The following KCTD18 variants were observed in gnomAD, a reference collection of about 807,000 sequenced individuals.
The protein encoded by KCTD18 is BTB/POZ domain-containing protein KCTD18.
In KCTD18, 22 loss-of-function variants were observed where a neutral mutation model predicts 30.4. That is an observed-to-expected ratio of 0.72 (90% confidence interval 0.52 to 1.03). KCTD18 has a LOEUF of 1.03. KCTD18 is among the 50% of genes least tolerant of loss of function. The probability of loss-of-function intolerance (pLI) is 0.00; values close to 1 mark genes in which losing one functional copy is unlikely to be tolerated. For synonymous variants in KCTD18, 186 were observed against 209.0 expected (o/e 0.89, Z 0.95); for missense variants, 529 against 547.6 (o/e 0.97, Z 0.34).
chr2:200,497,694 C>T, intron 5 of KCTD18, 59 bp downstream of exon 5: 2 of 1,122,284 alleles, frequency 1.8e-6, no homozygotes, highest in Non-Finnish European at 2.7e-6. Context: ...TTTGAGCTTA[C>T]TTTGTCTTTT....
chr2:200,506,747 G>A, intron 2 of KCTD18, 110 bp downstream of exon 2: 1 of 913,308 alleles, frequency 1.1e-6, no homozygotes, highest in South Asian at 1.5e-5. Flanking sequence ...AATGATCTCA[G>A]TAATTAGTAT....
At chr2:200,505,087 A>G (rs2030113936) in intron 2 of KCTD18, 128 bp from the exon 3 acceptor site, 1 of 718,572 alleles carries the variant, frequency 1.4e-6, no homozygotes, top group African/African-American at 1.8e-5. Context: ...GTTAACATCT[A>G]GTGTTCAAAT....
At chr2:200,508,802 C>T (rs373822509) in intron 1 of KCTD18, among the ~76,000 whole-genome samples, 53 of 152,308 alleles carry the variant, frequency 3.5e-4, no homozygotes, top group African/African-American at 1.2e-3. Flanking sequence ...CTCCAAAGAT[C>T]CATGTGTGAG....
Position 200,490,017 on chromosome 2 carries a change from C to T in KCTD18, c.*83G>A, listed in dbSNP as rs2087881516. The T allele has an allele frequency of 2.9e-6, 4 of 1,386,172 alleles. No individual in the cohort carries two copies. Among genetic ancestry groups the T allele is most frequent in the Non-Finnish European group, 3.9e-6 (4 of 1,034,744 alleles). The allele number at this position is 1,386,172 out of a possible 1,614,324, so 85.9% of individuals were successfully genotyped here. ...ATAAACCTAAGCTTCCCCTCTGCTG[C>T]ATTAAGAAAGTGTCACTTCTTTGCG... On this transcript the variant is annotated 3_prime_UTR_variant, in exon 7 of 7. Transcript: ENST00000359878.
intron 5 of KCTD18, among the ~76,000 whole-genome samples, chr2:200,494,376 G>C (rs1288113281): frequency 1.3e-5 from 2 of 152,022 alleles, no homozygotes; most frequent in African/African-American, 4.8e-5. Context: ...ATTTTTTTTA[G>C]AAAAGAAGCA....
At position 200,490,085 on chromosome 2, in the gene KCTD18, A is replaced by C. The variant is rs762564500; in HGVS notation, c.*15T>G. ...TTTGGGAGATGAACGGGAAATTTCA[A>C]GTCCACCACTTTCATCAATTTCCCT... On this transcript the variant is annotated 3_prime_UTR_variant, in exon 7 of 7. Transcript: ENST00000359878. The C allele has an allele frequency of 1.3e-6, 2 of 1,539,894 alleles. No individual in the cohort carries two copies. The highest frequency in any genetic ancestry group is 1.8e-6 in the Non-Finnish European group (2 of 1,141,106).
chr2:200,491,240 G>T (rs538763669), intron 6 of KCTD18, among the ~76,000 whole-genome samples: 4 of 152,110 alleles, frequency 2.6e-5, no homozygotes, highest in Non-Finnish European at 5.9e-5. Context: ...GGCATCTCTT[G>T]CTGTCTCTCA....
At chr2:200,502,280 A>T (rs1198605644) in intron 3 of KCTD18, among the ~76,000 whole-genome samples, 11 of 152,248 alleles carry the variant, frequency 7.2e-5, no homozygotes, top group African/African-American at 2.6e-4. Context: ...TAAAACTTAA[A>T]AGTATAATAA....
chr2:200,490,198 T>C lies in KCTD18; in HGVS notation c.1183A>G (p.Thr395Ala). 6.2e-7 allele frequency: 1 copy of C among 1,613,936 alleles called. No individual in the cohort carries two copies. ...AGGGAGTTGGCCTGCCTCGTGGCCG[T>C]GGGGGAGGGCAGGCAAGGCGCGGTG... is the stretch of plus-strand genomic sequence containing the variant. ...CATAPCLPSP[T>A]ATRQANSLKP... The change falls in exon 7 of 7, where the codon ACG becomes GCG. Residue 395 changes from threonine to alanine, a missense_variant. By Grantham distance (58) the Thr-to-Ala change is moderately conservative (BLOSUM62 0). Coordinates refer to ENST00000359878, the MANE Select transcript of KCTD18 (RefSeq NM_152387.4).
chr2:200,490,515 A>G lies in KCTD18; in HGVS notation c.866T>C (p.Val289Ala). The G allele has an allele frequency of 6.2e-7, 1 of 1,607,718 alleles. No homozygotes were observed. The highest frequency in any genetic ancestry group is 8.5e-7 in the Non-Finnish European group (1 of 1,179,984). The change falls in exon 7 of 7, where the codon GTC becomes GCC. Residue 289 changes from valine (V) to alanine (A), a missense_variant. Transcript: ENST00000359878. The stretch of plus-strand genomic sequence containing the variant: ...CACCGTGACTGAGGCCGAGTTCTTG[A>G]CTTTAATTTGGGTACTTGTGGAAGG... ...LGPSTSTQIK[V>A]KNSASVTVSP...
intron 2 of KCTD18, among the ~76,000 whole-genome samples, chr2:200,506,250 G>A (rs1243791010): frequency 6.6e-6 from 1 of 152,178 alleles, no homozygotes; most frequent in Non-Finnish European, 1.5e-5. Context: ...AGCAGGTTCA[G>A]TGAGTACCAG....
chr2:200,492,831 A>AT (rs5837746), intron 6 of KCTD18, among the ~76,000 whole-genome samples: 19,345 of 151,564 alleles, frequency 0.13, 1,360 homozygotes, highest in Non-Finnish European at 0.16. Context: ...GTCTAAATAG[A>AT]TTTTTTTTTT....
rs540899600 is a variant in KCTD18 at position 200,505,337 on chromosome 2, G to C, written c.161-378C>G. ...ACCATGCTAGGCCAAGTGGGCAAGA[G>C]AGGCTAAAACCAAACCCACACTCTG... On this transcript the variant is annotated intron_variant, in intron 2 of 6. Transcript: ENST00000359878. Among the ~76,000 whole-genome samples the C allele has an allele frequency of 6.6e-5, 10 of 152,294 alleles. No individual in the cohort carries two copies. The South Asian group carries it at 1.9e-3, about 28-fold the overall frequency.
chr2:200,503,425 C>A (rs1020634792), intron 3 of KCTD18, among the ~76,000 whole-genome samples: 3 of 152,230 alleles, frequency 2.0e-5, no homozygotes, highest in Non-Finnish European at 4.4e-5. Flanking sequence ...GTGTCCCACG[C>A]AGCCCCTTGT....
intron 6 of KCTD18, among the ~76,000 whole-genome samples, chr2:200,491,439 T>C (rs183148230): frequency 5.9e-5 from 9 of 152,354 alleles, no homozygotes; most frequent in South Asian, 4.1e-4. Flanking sequence ...AATAAACTGC[T>C]GCATATCTTT....
intron 5 of KCTD18, among the ~76,000 whole-genome samples, chr2:200,495,017 T>C (rs2087979533): frequency 1.3e-5 from 2 of 148,866 alleles, no homozygotes; most frequent in Non-Finnish European, 3.0e-5. Context: ...TTCCACTGTA[T>C]GGATACACCA....
chr2:200,507,718 C>T (rs1259971872), intron 1 of KCTD18, among the ~76,000 whole-genome samples: 3 of 151,966 alleles, frequency 2.0e-5, no homozygotes, highest in East Asian at 1.9e-4. Context: ...TTGATATTGA[C>T]TCTGGAAATG....
chr2:200,499,524 T>C (rs1012597942), intron 3 of KCTD18, among the ~76,000 whole-genome samples: 2 of 151,904 alleles, frequency 1.3e-5, no homozygotes, highest in East Asian at 3.9e-4. Context: ...AACTAGAAAA[T>C]CTAGAAGAAA....
intron 3 of KCTD18, among the ~76,000 whole-genome samples, chr2:200,503,250 C>T (rs1182158986): frequency 6.6e-6 from 1 of 152,120 alleles, no homozygotes; most frequent in Non-Finnish European, 1.5e-5. Flanking sequence ...CTAGTATTTA[C>T]TGACTCAGTG....
Sources: allele counts gnomAD v4.1 joint callset (sites outside exome capture counted in the v4.1 genomes callset), GRCh38; gene constraint gnomAD v4.1.1; transcripts MANE v1.5; gene names NCBI Gene and HGNC (gene_info 2026-07-23, HGNC 2026-07-21).